Variants in IL21R observed in about 807,000 individuals in gnomAD.
The protein encoded by IL21R is interleukin 21 receptor, also known as interleukin-21 receptor.
A neutral mutation model predicts 41.3 loss-of-function variants in IL21R; 14 were observed. The ratio of observed to expected loss-of-function variants is 0.34; its 90% CI spans 0.22 to 0.53. The LOEUF (loss-of-function observed/expected upper bound fraction) is 0.53. IL21R is among the 20% of genes least tolerant of loss of function. The pLI, the probability that IL21R is intolerant of heterozygous loss-of-function variation, is 0.94. For synonymous variants in IL21R, 286 were observed against 287.6 expected, an observed-to-expected ratio of 0.99 and a Z score of 0.05; for missense variants, 588 against 681.6, an observed-to-expected ratio of 0.86 and a Z score of 1.53.
chr16:27,409,717 AGTTT>A (rs1198901676), intron 1 of IL21R, among the ~76,000 whole-genome samples: 1 of 152,142 alleles, frequency 6.6e-6, no homozygotes, highest in East Asian at 1.9e-4. Context: ...TCCATTGGTT[AGTTT>A]GTTTTTCCTT....
At chr16:27,405,132 A>C (rs1304685528) in intron 1 of IL21R, among the ~76,000 whole-genome samples, 1 of 151,886 alleles carries the variant, frequency 6.6e-6, no homozygotes, top group Non-Finnish European at 1.5e-5. Flanking sequence ...TCCCAGGTTC[A>C]AGCGATTCTC....
At chr16:27,403,776 G>A (rs959446181) in intron 1 of IL21R, among the ~76,000 whole-genome samples, 4 of 152,126 alleles carry the variant, frequency 2.6e-5, no homozygotes, top group African/African-American at 4.8e-5. Context: ...GAGGGGGAGC[G>A]ACACACTCAG....
intron 1 of IL21R, among the ~76,000 whole-genome samples, chr16:27,424,227 A>C (rs2087041145): frequency 6.6e-6 from 1 of 152,072 alleles, no homozygotes; most frequent in South Asian, 2.1e-4. Context: ...GGTGCCCACC[A>C]CCACACCTGG....
In IL21R at chr16:27,445,994, T is replaced by C; in HGVS notation, c.786-13T>C. 6.2e-7 allele frequency: 1 copy of C among 1,608,170 alleles called. No individual in the cohort carries two copies. Among genetic ancestry groups the C allele is most frequent in the Non-Finnish European group, 8.5e-7 (1 of 1,176,672 alleles). ...GGTGATGTCAGGGTCCTCACCCCTC[T>C]CTGCCCCCTCAGGCTATGGAAGAAG... On this transcript the variant is annotated splice_polypyrimidine_tract_variant and intron_variant, in intron 7 of 8. Coordinates refer to ENST00000337929, the MANE Select transcript of IL21R (RefSeq NM_181078.3).
chr16:27,402,349 C>A lies in IL21R; in HGVS notation c.-286C>A, dbSNP rs3826254. The A allele has an allele frequency of 0.01, 1,538 of 152,716 alleles. 17 individuals carry two copies. The highest frequency in any genetic ancestry group is 0.031 in the South Asian group (150 of 4,838). The allele number at this position is 152,716 out of a possible 1,614,324, so 9.5% of individuals were successfully genotyped here. On this transcript the variant is annotated 5_prime_UTR_variant, in exon 1 of 9. Coordinates refer to ENST00000337929, the MANE Select transcript of IL21R (RefSeq NM_181078.3). ...GGCCCGTGCATCCCTGCTGCGGCCG[C>A]CTGGTACCTTCCTTGCCGTCTCTTT... is the stretch of plus-strand genomic sequence containing the variant.
At chr16:27,436,829 T>C (rs2087279156) in intron 3 of IL21R, among the ~76,000 whole-genome samples, 1 of 152,010 alleles carries the variant, frequency 6.6e-6, no homozygotes, top group Admixed American at 6.6e-5. Context: ...TCCCAGCACT[T>C]TGGGAGGCCA....
At chr16:27,423,478 C>A (rs1004158236) in intron 1 of IL21R, among the ~76,000 whole-genome samples, 1 of 152,302 alleles carries the variant, frequency 6.6e-6, no homozygotes, top group East Asian at 1.9e-4. Context: ...CCTTCTCACA[C>A]CCCCTCCTTT....
At chr16:27,408,858 C>T (rs896629790) in intron 1 of IL21R, among the ~76,000 whole-genome samples, 2 of 152,176 alleles carry the variant, frequency 1.3e-5, no homozygotes, top group African/African-American at 4.8e-5. Flanking sequence ...TAGACGCATC[C>T]CATTCCTCAA....
Position 27,449,458 on chromosome 16 carries a change from A to ACGTG in IL21R, c.*175_*176insCGTG, listed in dbSNP as rs147165457. The ACGTG allele has an allele frequency of 1.7e-5, 10 of 600,460 alleles. No individual in the cohort carries two copies. The Admixed American group carries it at 2.9e-4, about 18-fold the overall frequency. The allele number at this position is 600,460 out of a possible 1,614,324, so 37.2% of individuals were successfully genotyped here. On this transcript the variant is annotated 3_prime_UTR_variant, in exon 9 of 9. Transcript: ENST00000337929. ...TGCATATGTGTGTGTGTGCATATGC[A>ACGTG]TGTGTGTGTGTGTGTGTGTCTTAGG... is the stretch of plus-strand genomic sequence containing the variant.
intron 1 of IL21R, among the ~76,000 whole-genome samples, chr16:27,408,720 C>T (rs1340848336): frequency 6.6e-6 from 1 of 152,140 alleles, no homozygotes; most frequent in Non-Finnish European, 1.5e-5. Flanking sequence ...CCCTCTTCGC[C>T]CACCTCATTT....
Position 27,441,351 on chromosome 16 carries a change from T to A in IL21R, c.353-1611T>A, listed in dbSNP as rs188008285. ...GTGTTCTGCTCAAGTTCATGAAATGTCCTTCGAATGGAGCAAAAACAGAAT... is the reference window on the plus strand; with the variant it reads ...GTGTTCTGCTCAAGTTCATGAAATGACCTTCGAATGGAGCAAAAACAGAAT... On this transcript the variant is annotated intron_variant, in intron 4 of 8. Transcript: ENST00000337929. Among the ~76,000 whole-genome samples the A allele has an allele frequency of 5.0e-4, 76 of 152,368 alleles. 1 individual carries two copies. Among genetic ancestry groups the A allele is most frequent in the African/African-American group, 1.8e-3 (74 of 41,588 alleles).
At chr16:27,444,428 G>T in intron 5 of IL21R, 114 bp from the exon 6 acceptor site, 1 of 652,200 alleles carries the variant, frequency 1.5e-6, no homozygotes. Flanking sequence ...CTTGTGGGAA[G>T]AGAAGAGACA....
At chr16:27,409,217 T>A (rs1567355041) in intron 1 of IL21R, among the ~76,000 whole-genome samples, 1 of 147,360 alleles carries the variant, frequency 6.8e-6, no homozygotes, top group Non-Finnish European at 1.5e-5. Flanking sequence ...ATATAATTTA[T>A]ATTTTATAAA....
At chr16:27,432,055 T>G (rs375178670) in intron 2 of IL21R, among the ~76,000 whole-genome samples, 44 of 152,380 alleles carry the variant, frequency 2.9e-4, no homozygotes, top group African/African-American at 1.0e-3. Flanking sequence ...AGCCCTCTTA[T>G]AGCATCAATA....
intron 1 of IL21R, among the ~76,000 whole-genome samples, chr16:27,411,555 C>T (rs1423213386): frequency 1.3e-5 from 2 of 148,482 alleles, no homozygotes; most frequent in African/African-American, 5.0e-5. Context: ...CTCCGCCTCC[C>T]AGGTTCAAGC....
At chr16:27,428,108 A>G (rs1321286565) in intron 1 of IL21R, among the ~76,000 whole-genome samples, 1 of 152,204 alleles carries the variant, frequency 6.6e-6, no homozygotes, top group Non-Finnish European at 1.5e-5. Flanking sequence ...CTGAGGCTCT[A>G]CCTTCTCCAT....
Position 27,427,134 on chromosome 16 carries a change from C to T in IL21R, c.-16-2922C>T, listed in dbSNP as rs182048616. The stretch of plus-strand genomic sequence containing the variant: ...TCAGGACTGCTTTCACTGGCCTTGC[C>T]TGGGTTGACATCCATCCCTGATGCA... On this transcript the variant is annotated intron_variant, in intron 1 of 8. Coordinates refer to ENST00000337929, the MANE Select transcript of IL21R (RefSeq NM_181078.3). 613 of 184,832 alleles carry T rather than the reference C, an allele frequency of 3.3e-3. 4 individuals are homozygous for T. The highest frequency in any genetic ancestry group is 5.4e-3 in the Non-Finnish European group (529 of 97,796). 11.4% of individuals were successfully genotyped at this position (184,832 alleles called of 1,614,324 possible). A position where few individuals can be genotyped will look rare whatever the true frequency, so the allele number is the denominator to read the frequency against.
chr16:27,439,233 C>G (rs1378136953), intron 4 of IL21R, among the ~76,000 whole-genome samples: 1 of 152,030 alleles, frequency 6.6e-6, no homozygotes, highest in Non-Finnish European at 1.5e-5. Flanking sequence ...CACGCACACA[C>G]AGACTCATAG....
In IL21R at chr16:27,449,098, G is replaced by A. The variant is rs762891817; in HGVS notation, c.1432G>A (p.Ala478Thr). ...ACCTGGAGGGGTCTCAGAGAGTGAG[G>A]CGGGCTCACCCCTGGCCGGCCTGGA... The part of the protein sequence containing the change: ...RSPGGVSESE[A>T]GSPLAGLDMD... Residue 478 changes from alanine (A) to threonine (T), a missense_variant, in exon 9 of 9, where the codon GCG (alanine) becomes ACG (threonine). Coordinates refer to ENST00000337929, the MANE Select transcript of IL21R (RefSeq NM_181078.3). The A allele has an allele frequency of 6.2e-7, 1 of 1,613,572 alleles. No individual in the cohort carries two copies. The highest frequency in any genetic ancestry group is 2.2e-5 in the East Asian group (1 of 44,880).
Sources: allele counts gnomAD v4.1 joint callset (sites outside exome capture counted in the v4.1 genomes callset), GRCh38; gene constraint gnomAD v4.1.1; transcripts MANE v1.5; gene names NCBI Gene and HGNC (gene_info 2026-07-23, HGNC 2026-07-21).